UNC13B: variants seen among roughly 807,000 people sequenced by gnomAD.
UNC13B encodes unc-13 homolog B, also known as protein unc-13 homolog B.
In UNC13B, 144 loss-of-function variants were observed where a neutral mutation model predicts 211.0. The ratio of observed to expected loss-of-function variants is 0.68; its 90% CI spans 0.60 to 0.78. UNC13B has a LOEUF of 0.78. Ranked by LOEUF, UNC13B falls within the 30% of genes least tolerant of loss-of-function variation. The probability of loss-of-function intolerance (pLI) is 0.00; values close to 1 mark genes in which losing one functional copy is unlikely to be tolerated. For synonymous variants in UNC13B, 709 were observed against 725.8 expected (o/e 0.98, Z 0.37); for missense variants, 1,777 against 2,002.0 (o/e 0.89, Z 2.14).
chr9:35,166,525 T>A (rs1821046928), intron 1 of UNC13B, among the ~76,000 whole-genome samples: 2 of 152,106 alleles, frequency 1.3e-5, no homozygotes. Flanking sequence ...ATTTTTTTTT[T>A]AAAGATGGGA....
intron 6 of UNC13B, among the ~76,000 whole-genome samples, chr9:35,244,882 A>G (rs1417909848): frequency 6.6e-6 from 1 of 152,202 alleles, no homozygotes; most frequent in Admixed American, 6.5e-5. Context: ...CATTTGGGAC[A>G]AGCAACATCT....
At chr9:35,397,374 C>A (rs955546663) in intron 29 of UNC13B, 64 bp downstream of exon 29, 2 of 1,592,666 alleles carry the variant, frequency 1.3e-6, no homozygotes, top group Non-Finnish European at 8.6e-7. Flanking sequence ...TCATCACAGG[C>A]CTGAGCTCAG....
rs1407409057 is a variant in UNC13B at position 35,341,904 on chromosome 9, A to ATCGAT, written c.9415-25043_9415-25042insTCGAT. On this transcript the variant is annotated intron_variant, in intron 11 of 39. Coordinates refer to ENST00000635942, the MANE Select transcript of UNC13B (RefSeq NM_001371189.2). ...GCCCTGCTTTCTGCCTCAGTCTCAAAGCCCAGAATCGATTGAGTTAGAATT... is the reference window on the plus strand; with the variant it reads ...GCCCTGCTTTCTGCCTCAGTCTCAAATCGATGCCCAGAATCGATTGAGTTAGAATT... 9.1e-6 allele frequency: 9 copies of ATCGAT among 985,236 alleles called. No homozygotes were observed. The African/African-American group carries it at 1.6e-4, about 17-fold the overall frequency. The allele number at this position is 985,236 out of a possible 1,614,324, so 61.0% of individuals were successfully genotyped here. A position where few individuals can be genotyped will look rare whatever the true frequency, so the allele number is the denominator to read the frequency against.
rs1049695771 is a variant in UNC13B at position 35,305,875 on chromosome 9, CAA to C, written c.6475_6476del (p.Lys2159GlufsTer10). ...TSSSQPELST[K>X]KSIFSFLTGS... Reference sequence around the variant, plus strand: ...CTTCATCTCAACCAGAGTTATCAACCAAAAAGAGTATATTTTCTTTTCTCACT... The same window carrying C: ...CTTCATCTCAACCAGAGTTATCAACCAAAGAGTATATTTTCTTTTCTCACT... On this transcript the variant is annotated frameshift_variant, in exon 9 of 40. Coordinates refer to ENST00000635942, the MANE Select transcript of UNC13B (RefSeq NM_001371189.2). LOFTEE classifies it high-confidence loss of function. 5.0e-6 allele frequency: 2 copies of C among 398,800 alleles called. No homozygotes were observed. The highest frequency in any genetic ancestry group is 2.1e-5 in the African/African-American group (1 of 48,616). 24.7% of individuals were successfully genotyped at this position (398,800 alleles called of 1,614,324 possible). A position where few individuals can be genotyped will look rare whatever the true frequency, so the allele number is the denominator to read the frequency against.
rs2132311576 is a variant in UNC13B, at chr9:35,390,772, C to T, written c.11308+58C>T. 4 of 1,501,330 alleles carry T rather than the reference C, an allele frequency of 2.7e-6. No homozygotes were observed. In the Admixed American group the frequency reaches 5.7e-5, roughly 21 times the overall value. 93.0% of individuals were successfully genotyped at this position (1,501,330 alleles called of 1,614,324 possible). A position where few individuals can be genotyped will look rare whatever the true frequency, so the allele number is the denominator to read the frequency against. On this transcript the variant is annotated intron_variant, in intron 26 of 39. Transcript: ENST00000635942. ...GCTCCTAGCCCAAGCTCCTCGTTCA[C>T]TGTCCCTTTCCTCTTCTAGACAACT... is the stretch of plus-strand genomic sequence containing the variant.
At chr9:35,176,995 A>T (rs891868589) in intron 1 of UNC13B, among the ~76,000 whole-genome samples, 1 of 152,174 alleles carries the variant, frequency 6.6e-6, no homozygotes, top group African/African-American at 2.4e-5. Context: ...GAAAATATGG[A>T]TTAAGATGAA....
chr9:35,259,434 G>T (rs1172638487), intron 7 of UNC13B, among the ~76,000 whole-genome samples: 1 of 151,994 alleles, frequency 6.6e-6, no homozygotes, highest in Non-Finnish European at 1.5e-5. Flanking sequence ...TCTCTCCTGT[G>T]TGCTTCCATT....
chr9:35,268,977 A>G (rs1234518413), intron 7 of UNC13B, among the ~76,000 whole-genome samples: 1 of 152,182 alleles, frequency 6.6e-6, no homozygotes, highest in Admixed American at 6.5e-5. Context: ...GTTTCTCTAT[A>G]CTTGCACAAT....
chr9:35,375,023 T>C, intron 13 of UNC13B, 104 bp from the exon 14 acceptor site: 2 of 1,096,730 alleles, frequency 1.8e-6, no homozygotes, highest in South Asian at 1.3e-5. Context: ...TAGAAAGTAC[T>C]GTAGTAAGCT....
chr9:35,385,314 C>A, intron 22 of UNC13B: 2 of 985,428 alleles, frequency 2.0e-6, no homozygotes, highest in Non-Finnish European at 2.4e-6. Context: ...TCAGTTTGGT[C>A]TGTAGTGTGG....
chr9:35,162,192 G>T lies in UNC13B; in HGVS notation c.-92G>T, dbSNP rs1463250822. On this transcript the variant is annotated 5_prime_UTR_variant, in exon 1 of 40. Coordinates refer to ENST00000635942, the MANE Select transcript of UNC13B (RefSeq NM_001371189.2). Reference sequence around the variant, plus strand: ...GAGGAGCTGCCAGACCCGTGGGGCCGGTAACGAGAGCAGTCGCGGCACCTG... The same window carrying T: ...GAGGAGCTGCCAGACCCGTGGGGCCTGTAACGAGAGCAGTCGCGGCACCTG... 1.3e-6 allele frequency: 2 copies of T among 1,527,628 alleles called. No homozygotes were observed. Among genetic ancestry groups the T allele is most frequent in the East Asian group, 2.5e-5 (1 of 40,746 alleles). The allele number at this position is 1,527,628 out of a possible 1,614,324, so 94.6% of individuals were successfully genotyped here. A position where few individuals can be genotyped will look rare whatever the true frequency, so the allele number is the denominator to read the frequency against.
rs1802034 is a variant in UNC13B, at chr9:35,405,023, C to T, written c.*990C>T. On this transcript the variant is annotated 3_prime_UTR_variant, in exon 40 of 40. Transcript: ENST00000635942. ...TGCTATTCCCCTCTGATATTCAACCCTATAGAAGGAGCCTGGACTCTGATC... is the reference window on the plus strand; with the variant it reads ...TGCTATTCCCCTCTGATATTCAACCTTATAGAAGGAGCCTGGACTCTGATC... The T allele has an allele frequency of 6.6e-6, 1 of 152,644 alleles. No individual in the cohort carries two copies. The highest frequency in any genetic ancestry group is 1.5e-5 in the Non-Finnish European group (1 of 68,090). The allele number at this position is 152,644 out of a possible 1,614,324, so 9.5% of individuals were successfully genotyped here.
intron 1 of UNC13B, among the ~76,000 whole-genome samples, chr9:35,224,192 A>G (rs149819815): frequency 4.6e-5 from 7 of 152,240 alleles, no homozygotes; most frequent in African/African-American, 1.2e-4. Flanking sequence ...GATGAATAGC[A>G]TTGGTATTTT....
chr9:35,311,818 A>G (rs893937251), intron 10 of UNC13B, among the ~76,000 whole-genome samples: 1 of 152,156 alleles, frequency 6.6e-6, no homozygotes, highest in African/African-American at 2.4e-5. Context: ...TGTGTCTGCC[A>G]ATTGGTATCC....
intron 7 of UNC13B, among the ~76,000 whole-genome samples, chr9:35,274,466 AT>A (rs1458456104): frequency 6.6e-6 from 1 of 152,176 alleles, no homozygotes; most frequent in Non-Finnish European, 1.5e-5. Context: ...TCTCACCATA[AT>A]TGAATTTTGA....
At chr9:35,231,034 C>T (rs1353052860) in intron 2 of UNC13B, 86 bp from the exon 3 acceptor site, 8 of 844,668 alleles carry the variant, frequency 9.5e-6, no homozygotes, top group Non-Finnish European at 1.5e-5. Flanking sequence ...ACTTTAATTT[C>T]TATATTGCTT....
At chr9:35,197,780 A>G (rs1823028104) in intron 1 of UNC13B, among the ~76,000 whole-genome samples, 1 of 151,828 alleles carries the variant, frequency 6.6e-6, no homozygotes, top group African/African-American at 2.4e-5. Flanking sequence ...CTCCTGCTCC[A>G]ACCGGGTAAG....
chr9:35,384,394 A>G (rs1835053380), intron 22 of UNC13B, 80 bp downstream of exon 22: 4 of 1,541,322 alleles, frequency 2.6e-6, no homozygotes, highest in East Asian at 4.6e-5. Context: ...TCTTGGCTAT[A>G]AAGATTGAGG....
chr9:35,374,262 T>G (rs867852163), intron 13 of UNC13B, among the ~76,000 whole-genome samples: 175 of 78,540 alleles, frequency 2.2e-3, no homozygotes, highest in Non-Finnish European at 3.2e-3. Flanking sequence ...TAACTCTCTG[T>G]GCTTGGCAGA....
Sources: allele counts gnomAD v4.1 joint callset (sites outside exome capture counted in the v4.1 genomes callset), GRCh38; gene constraint gnomAD v4.1.1; transcripts MANE v1.5; gene names NCBI Gene and HGNC (gene_info 2026-07-23, HGNC 2026-07-21).